The following C3orf22 variants were observed in gnomAD, a reference collection of about 807,000 sequenced individuals.
C3orf22 encodes the protein uncharacterized protein C3orf22.
A neutral mutation model predicts 10.8 loss-of-function variants in C3orf22; 7 were observed. That is an observed-to-expected ratio of 0.65 (90% CI 0.37 to 1.22). The LOEUF (loss-of-function observed/expected upper bound fraction) is 1.22, where lower values mean the gene tolerates loss of function less well. Ranked by LOEUF, C3orf22 falls within the 50% of genes most tolerant of loss-of-function variation. C3orf22 has a pLI of 0.02. For missense variants in C3orf22, 173 were observed against 177.0 expected, an observed-to-expected ratio of 0.98 and a Z score of 0.13; for synonymous variants, 79 against 78.9, an observed-to-expected ratio of 1.00 and a Z score of 0.00.
At chr3:126,540,610 G>A (rs1357603007) in intron 4 of C3orf22, among the ~76,000 whole-genome samples, 3 of 152,192 alleles carry the variant, frequency 2.0e-5, no homozygotes, top group Non-Finnish European at 2.9e-5. Context: ...ATGGATGGCC[G>A]CATACATTTG....
chr3:126,544,694 C>T (rs546174878), downstream of C3orf22, among the ~76,000 whole-genome samples: 22 of 152,378 alleles, frequency 1.4e-4, no homozygotes, highest in African/African-American at 5.3e-4. Context: ...GTCTCACTCC[C>T]AGGTGTCTCA....
downstream of C3orf22, among the ~76,000 whole-genome samples, chr3:126,546,178 C>G (rs1937064931): frequency 6.6e-6 from 1 of 152,248 alleles, no homozygotes; most frequent in African/African-American, 2.4e-5. Flanking sequence ...CTCCCTCTGA[C>G]CACCAGGCCT....
chr3:126,536,918 CA>C (rs879773689), intron 4 of C3orf22, among the ~76,000 whole-genome samples: 1,622 of 151,566 alleles, frequency 0.011, 17 homozygotes, highest in African/African-American at 0.037. Context: ...CACACACACA[CA>C]CACACCCCAC....
chr3:126,558,394 C>T lies in C3orf22; in HGVS notation c.-41+233G>A, dbSNP rs1346662299. 5.9e-5 allele frequency among the ~76,000 whole-genome samples: 9 copies of T among 152,276 alleles called. No homozygotes were observed. In the South Asian group the frequency reaches 1.0e-3, roughly 18 times the overall value. The stretch of plus-strand genomic sequence containing the variant: ...ATTGAGGGATCAAGGGAGACAGGAG[C>T]GCCCCTCAGCCCCACCCCATACCCT... On this transcript the variant is annotated intron_variant, in intron 1 of 3. Transcript: ENST00000318225.
intron 4 of C3orf22, among the ~76,000 whole-genome samples, chr3:126,543,957 A>G (rs527933216): frequency 6.6e-6 from 1 of 152,302 alleles, no homozygotes; most frequent in Non-Finnish European, 1.5e-5. Context: ...TACAAAGCCC[A>G]GGGCCTTGCA....
intron 1 of C3orf22, among the ~76,000 whole-genome samples, chr3:126,554,805 T>A (rs148662588): frequency 2.0e-5 from 3 of 152,298 alleles, no homozygotes; most frequent in African/African-American, 7.2e-5. Flanking sequence ...TCCCCTGAGC[T>A]GACAAGTGAA....
chr3:126,552,660 C>T (rs941652335), intron 2 of C3orf22, among the ~76,000 whole-genome samples: 1 of 152,176 alleles, frequency 6.6e-6, no homozygotes, highest in Non-Finnish European at 1.5e-5. Context: ...CTGTGGGTAG[C>T]CCTGCCAAGC....
At chr3:126,550,171 G>GC in intron 3 of C3orf22, 93 bp from the exon 4 acceptor site, 1 of 1,405,558 alleles carries the variant, frequency 7.1e-7, no homozygotes, top group Non-Finnish European at 9.7e-7. Flanking sequence ...GCCACATCTG[G>GC]GAGGGCTCCA....
intron 4 of C3orf22, chr3:126,536,304 T>C: frequency 6.2e-7 from 1 of 1,614,064 alleles, no homozygotes; most frequent in Non-Finnish European, 8.5e-7. Flanking sequence ...TCCAGCTGGC[T>C]TGGTGGGGAG....
chr3:126,532,105 A>G (rs953475589), intron 4 of C3orf22, among the ~76,000 whole-genome samples: 4 of 152,200 alleles, frequency 2.6e-5, no homozygotes, highest in African/African-American at 9.7e-5. Context: ...GCCCATTTAA[A>G]AAATTGAGTT....
At chr3:126,532,286 A>AT (rs1362687862) in intron 4 of C3orf22, among the ~76,000 whole-genome samples, 7 of 152,156 alleles carry the variant, frequency 4.6e-5, no homozygotes, top group African/African-American at 9.7e-5. Context: ...CAATTTATCT[A>AT]TTTTTTAAAA....
chr3:126,533,317 G>A (rs1936696263), intron 4 of C3orf22, among the ~76,000 whole-genome samples: 1 of 152,118 alleles, frequency 6.6e-6, no homozygotes, highest in South Asian at 2.1e-4. Context: ...TGATCTTAGG[G>A]AGAAAGCTTC....
chr3:126,544,775 C>T (rs1937038311), downstream of C3orf22, among the ~76,000 whole-genome samples: 1 of 152,242 alleles, frequency 6.6e-6, no homozygotes, highest in South Asian at 2.1e-4. Flanking sequence ...ATCACACTCA[C>T]AGTCCCTTGT....
chr3:126,550,566 G>A (rs936503511), intron 3 of C3orf22, among the ~76,000 whole-genome samples: 3 of 152,194 alleles, frequency 2.0e-5, no homozygotes, highest in Non-Finnish European at 4.4e-5. Context: ...TGTCTCCGCA[G>A]CTCCCCGACA....
chr3:126,529,409 A>AG (rs1560136828), intron 4 of C3orf22: 1 of 1,288,532 alleles, frequency 7.8e-7, no homozygotes, highest in Admixed American at 2.3e-5. Context: ...TGTCAGGACA[A>AG]GGGGGCACCC....
chr3:126,551,335 C>T (rs375746099), intron 3 of C3orf22, among the ~76,000 whole-genome samples: 1 of 152,194 alleles, frequency 6.6e-6, no homozygotes, highest in Non-Finnish European at 1.5e-5. Context: ...GGGTCCTGCA[C>T]CGCTGGTGGA....
At chr3:126,549,013 A>G (rs2107578273), downstream of C3orf22, among the ~76,000 whole-genome samples, 1 of 152,030 alleles carries the variant, frequency 6.6e-6, no homozygotes, top group Admixed American at 6.6e-5. Flanking sequence ...CAGTGGGGGG[A>G]CCCTTAAATC....
rs966308044 is a variant in C3orf22, at chr3:126,549,794, G to A, written c.*74C>T. The A allele has an allele frequency of 4.9e-5, 75 of 1,536,560 alleles. No homozygotes were observed. In the African/African-American group the frequency reaches 1.0e-3, roughly 21 times the overall value. ...CATGAAGGCTGATCCCTTTACTAAAGTCTCTGTGGCTACTGCCCAGAGCCT... is the reference window on the plus strand; with the variant it reads ...CATGAAGGCTGATCCCTTTACTAAAATCTCTGTGGCTACTGCCCAGAGCCT... On this transcript the variant is annotated 3_prime_UTR_variant, in exon 4 of 4. Coordinates refer to ENST00000318225, the MANE Select transcript of C3orf22 (RefSeq NM_152533.3).
intron 4 of C3orf22, chr3:126,542,437 G>T: frequency 6.4e-7 from 1 of 1,558,652 alleles, no homozygotes. Flanking sequence ...CGCGGCCCCG[G>T]GGAGCCGCCG....
Sources: allele counts gnomAD v4.1 joint callset (sites outside exome capture counted in the v4.1 genomes callset), GRCh38; gene constraint gnomAD v4.1.1; transcripts MANE v1.5; gene names NCBI Gene and HGNC (gene_info 2026-07-23, HGNC 2026-07-21).